RIGI: variants seen among roughly 807,000 people sequenced by gnomAD.
RIGI encodes antiviral innate immune response receptor RIG-I.
the RIGI span, among the ~76,000 whole-genome samples, chr9:32,514,154 G>A: frequency 6.6e-6 from 1 of 152,190 alleles, no homozygotes; most frequent in Non-Finnish European, 1.5e-5. Flanking sequence ...AACCATTGTG[G>A]AAGACAGTGT....
At chr9:32,494,483 T>G in the RIGI span, among the ~76,000 whole-genome samples, 19 of 152,314 alleles carry the variant, frequency 1.2e-4, 1 homozygote, top group East Asian at 3.3e-3. Context: ...AGAAAAATAC[T>G]AATGGCCAAG....
the RIGI span, among the ~76,000 whole-genome samples, chr9:32,501,733 T>G: frequency 6.6e-5 from 10 of 152,178 alleles, no homozygotes; most frequent in Admixed American, 2.6e-4. Context: ...GTAAGCAAGT[T>G]GTCAGGCTGG....
chr9:32,519,487 A>C, the RIGI span, among the ~76,000 whole-genome samples: 1 of 152,214 alleles, frequency 6.6e-6, no homozygotes, highest in Non-Finnish European at 1.5e-5. Context: ...GATTCCTGGC[A>C]AAAAATAATA....
the RIGI span, chr9:32,457,231 T>A: frequency 6.2e-7 from 1 of 1,614,090 alleles, no homozygotes; most frequent in Non-Finnish European, 8.5e-7. Flanking sequence ...CACAAAACTT[T>A]CAATTTTTAT....
At chr9:32,505,465 T>C in the RIGI span, among the ~76,000 whole-genome samples, 2,990 of 152,262 alleles carry the variant, frequency 0.02, 104 homozygotes, top group African/African-American at 0.067. Flanking sequence ...TACAAACCTA[T>C]AGTCCCCAGG....
chr9:32,465,026 A>T, the RIGI span, among the ~76,000 whole-genome samples: 1 of 152,170 alleles, frequency 6.6e-6, no homozygotes, highest in Non-Finnish European at 1.5e-5. Context: ...ACATGAGTCT[A>T]AGTAGCTTGT....
chr9:32,514,764 G>A, the RIGI span, among the ~76,000 whole-genome samples: 1 of 152,102 alleles, frequency 6.6e-6, no homozygotes, highest in Non-Finnish European at 1.5e-5. Flanking sequence ...TACCTTTGTG[G>A]ACAAATTTAT....
chr9:32,485,462 C>T, the RIGI span: 1 of 642,824 alleles, frequency 1.6e-6, no homozygotes, highest in Middle Eastern at 2.5e-4. Context: ...GCTCAAAATG[C>T]AATGGCTCCC....
the RIGI span, chr9:32,481,521 T>G: frequency 2.9e-6 from 4 of 1,391,588 alleles, no homozygotes; most frequent in Non-Finnish European, 4.0e-6. Flanking sequence ...AAAAAAAAGT[T>G]TTTCACTGTC....
At chr9:32,487,839 G>C in the RIGI span, 2 of 1,393,778 alleles carry the variant, frequency 1.4e-6, no homozygotes, top group African/African-American at 1.4e-5. Flanking sequence ...GTACAATATG[G>C]ACTTGGGACC....
chr9:32,473,163 A>C, the RIGI span: 1 of 755,546 alleles, frequency 1.3e-6, no homozygotes, highest in Non-Finnish European at 2.0e-6. Flanking sequence ...ATTTAAAGTT[A>C]GTACACGTAC....
chr9:32,495,357 G>A, the RIGI span, among the ~76,000 whole-genome samples: 3 of 151,116 alleles, frequency 2.0e-5, no homozygotes, highest in East Asian at 2.0e-4. Flanking sequence ...ACCCGCCACC[G>A]CACCCAGCTA....
At chr9:32,486,635 G>A in the RIGI span, among the ~76,000 whole-genome samples, 1 of 151,116 alleles carries the variant, frequency 6.6e-6, no homozygotes, top group East Asian at 1.9e-4. Flanking sequence ...AAAAAAAAAA[G>A]AGCAGTGATG....
the RIGI span, among the ~76,000 whole-genome samples, chr9:32,493,445 G>A: frequency 6.6e-6 from 1 of 152,152 alleles, no homozygotes; most frequent in African/African-American, 2.4e-5. Context: ...CCAACATGGT[G>A]AAACCCCATC....
At chr9:32,462,464 A>C in the RIGI span, among the ~76,000 whole-genome samples, 1 of 130,634 alleles carries the variant, frequency 7.7e-6, no homozygotes, top group East Asian at 2.4e-4. Flanking sequence ...GCTGGAATGC[A>C]GTGGCACAAT....
the RIGI span, among the ~76,000 whole-genome samples, chr9:32,512,591 T>C: frequency 6.6e-6 from 1 of 152,198 alleles, no homozygotes. Flanking sequence ...GAGCTATTTA[T>C]GACAAACCCA....
chr9:32,491,462 GA>G, the RIGI span: 2 of 1,503,688 alleles, frequency 1.3e-6, no homozygotes, highest in Non-Finnish European at 1.8e-6. Flanking sequence ...CACATAATCT[GA>G]TTATAGTTTT....
At chr9:32,515,752 C>T in the RIGI span, among the ~76,000 whole-genome samples, 2 of 152,164 alleles carry the variant, frequency 1.3e-5, no homozygotes, top group Non-Finnish European at 2.9e-5. Flanking sequence ...TGTGGGTGGC[C>T]CCAAAAGTCA....
the RIGI span, chr9:32,493,683 C>G: frequency 2.0e-6 from 2 of 985,692 alleles, no homozygotes; most frequent in Non-Finnish European, 3.0e-6. Flanking sequence ...TTTCTCAGGT[C>G]TAAAACAGTA....
Sources: gnomAD v4.1 joint callset for allele counts (sites outside exome capture counted in the v4.1 genomes callset) on GRCh38, gnomAD v4.1.1 for gene constraint, MANE v1.5 for transcripts, NCBI Gene and HGNC (gene_info 2026-07-23, HGNC 2026-07-21) for gene names.